Variants in ACSBG2 observed in about 807,000 individuals in gnomAD.
The protein encoded by ACSBG2 is acyl-CoA synthetase bubblegum family member 2.
ACSBG2 carries 62 observed loss-of-function variants against 74.7 expected under a neutral mutation model. That is an observed-to-expected ratio of 0.83 (90% CI 0.68 to 1.03). The LOEUF is 1.03. Ranked by LOEUF, ACSBG2 falls within the 50% of genes least tolerant of loss-of-function variation. ACSBG2 has a pLI of 0.00. For synonymous variants in ACSBG2, 309 were observed against 294.1 expected, an observed-to-expected ratio of 1.05 and a Z score of -0.52; for missense variants, 730 against 817.6, an observed-to-expected ratio of 0.89 and a Z score of 1.31.
At chr19:6,143,024 A>T (rs1404412014) in intron 2 of ACSBG2, among the ~76,000 whole-genome samples, 1 of 151,878 alleles carries the variant, frequency 6.6e-6, no homozygotes, top group Non-Finnish European at 1.5e-5. Flanking sequence ...ATTCAAGACC[A>T]GCCTGGCCAA....
In ACSBG2 at chr19:6,190,498, C is replaced by T. The variant is rs554897047; in HGVS notation, c.1928-86C>T. ...GCCAGCCACCCAGCCTAGCCCCAGG[C>T]ATGGGACTCTGTTGCCTGGTCATGC... On this transcript the variant is annotated intron_variant, in intron 13 of 14. Coordinates refer to ENST00000588485, the MANE Select transcript of ACSBG2 (RefSeq NM_030924.5). The T allele has an allele frequency of 1.2e-4, 138 of 1,168,560 alleles. 1 individual carries two copies. In the South Asian group the frequency reaches 1.6e-3, roughly 13 times the overall value. The allele number at this position is 1,168,560 out of a possible 1,614,324, so 72.4% of individuals were successfully genotyped here. A position where few individuals can be genotyped will look rare whatever the true frequency, so the allele number is the denominator to read the frequency against.
chr19:6,151,491 G>T (rs560912323), intron 3 of ACSBG2, among the ~76,000 whole-genome samples: 1 of 152,072 alleles, frequency 6.6e-6, no homozygotes, highest in Non-Finnish European at 1.5e-5. Flanking sequence ...CACTTTTTTT[G>T]TAAAGACAGG....
chr19:6,151,137 G>T (rs1352811094), intron 3 of ACSBG2, among the ~76,000 whole-genome samples: 1 of 150,174 alleles, frequency 6.7e-6, no homozygotes, highest in Non-Finnish European at 1.5e-5. Context: ...AAAGAAAATG[G>T]TAAAATCCAT....
At position 6,187,727 on chromosome 19, in the gene ACSBG2, C is replaced by G. The variant is rs1252054994; in HGVS notation, c.1809C>G (p.Val603=). The G allele has an allele frequency of 2.5e-6, 4 of 1,614,104 alleles. No individual in the cohort carries two copies. The highest frequency in any genetic ancestry group is 2.5e-6 in the Non-Finnish European group (3 of 1,180,016). ...TEIVKQQDPL[V]YKAIQQGINA... ...TTGTGAAGCAGCAAGACCCCCTGGT[C>G]TACAAGGCCATCCAGCAAGGCATCA... Residue 603 remains valine, a synonymous_variant, in exon 13 of 15, where the codon GTC becomes GTG. Transcript: ENST00000588485.
intron 1 of ACSBG2, among the ~76,000 whole-genome samples, chr19:6,140,315 G>A (rs896172854): frequency 4.0e-5 from 6 of 151,620 alleles, no homozygotes; most frequent in Admixed American, 6.6e-5. Flanking sequence ...TCAAACAGTA[G>A]AGTCCAATTA....
intron 3 of ACSBG2, among the ~76,000 whole-genome samples, chr19:6,150,195 T>C (rs1346665584): frequency 2.0e-5 from 3 of 151,804 alleles, no homozygotes; most frequent in Non-Finnish European, 2.9e-5. Context: ...GGGGAGGATA[T>C]GGAGAAGCTG....
intron 7 of ACSBG2, among the ~76,000 whole-genome samples, chr19:6,175,585 T>C (rs1166463102): frequency 6.6e-6 from 1 of 151,810 alleles, no homozygotes; most frequent in Non-Finnish European, 1.5e-5. Context: ...GAAAGAGCAT[T>C]CCAAGCAGGG....
chr19:6,153,885 A>AAAAGAAGG (rs2089321450), intron 4 of ACSBG2, among the ~76,000 whole-genome samples: 11 of 143,098 alleles, frequency 7.7e-5, no homozygotes, highest in Non-Finnish European at 1.3e-4. Flanking sequence ...AAAGAAAAGG[A>AAAAGAAGG]AAAGAAAAAA....
chr19:6,162,408 T>C (rs989019680), intron 6 of ACSBG2, among the ~76,000 whole-genome samples: 5 of 144,156 alleles, frequency 3.5e-5, no homozygotes, highest in Admixed American at 2.1e-4. Context: ...CTATTGAAAA[T>C]ACAAAAAAAT....
chr19:6,166,002 T>C lies in ACSBG2; in HGVS notation c.725T>C (p.Leu242Pro). 1 of 1,614,032 alleles carries C rather than the reference T, an allele frequency of 6.2e-7. No homozygotes were observed. The highest frequency in any genetic ancestry group is 8.5e-7 in the Non-Finnish European group (1 of 1,179,966). Residue 242 changes from leucine (L) to proline (P), a missense_variant, in exon 7 of 15, where the codon CTC becomes CCC. Physicochemically the swap from Leu to Pro is moderately conservative, Grantham distance 98. Transcript: ENST00000588485. ...GTTGIPKGVM[L>P]SHDNITWIAG... is the part of the protein sequence containing the mutation. ...ACAGGCATACCCAAGGGAGTGATGCTCAGTCATGACAACGTACGCCAAAGT... is the reference window on the plus strand; with the variant it reads ...ACAGGCATACCCAAGGGAGTGATGCCCAGTCATGACAACGTACGCCAAAGT...
intron 2 of ACSBG2, among the ~76,000 whole-genome samples, chr19:6,145,345 C>T (rs112463759): frequency 0.028 from 4,184 of 150,802 alleles, 187 homozygotes; most frequent in African/African-American, 0.098. Context: ...GCGGTGAGCT[C>T]GCATGATCCC....
chr19:6,185,435 G>A lies in ACSBG2; in HGVS notation c.1323-1G>A. The A allele has an allele frequency of 6.2e-7, 1 of 1,614,140 alleles. No homozygotes were observed. The highest frequency in any genetic ancestry group is 8.5e-7 in the Non-Finnish European group (1 of 1,180,018). ...GTTTCTCTGCTTCTGTCCCCTGGCA[G>A]CTGTGGCAAGATCTTGACTGGGTGT... On this transcript the variant is annotated splice_acceptor_variant, in intron 10 of 14. Transcript: ENST00000588485. LOFTEE classifies it high-confidence loss of function.
chr19:6,135,636 A>C (rs1309759649), upstream of ACSBG2: 1 of 152,442 alleles, frequency 6.6e-6, no homozygotes. Flanking sequence ...ATGTCACAAG[A>C]GGTGGCTGGG....
intron 7 of ACSBG2, chr19:6,175,468 T>G (rs927607307): frequency 1.3e-5 from 2 of 152,138 alleles, no homozygotes; most frequent in African/African-American, 2.4e-5. Flanking sequence ...ACTTTCACCT[T>G]AGATGGTGTG....
At chr19:6,143,158 C>A (rs144810605) in intron 2 of ACSBG2, among the ~76,000 whole-genome samples, 2,032 of 152,216 alleles carry the variant, frequency 0.013, 32 homozygotes, top group African/African-American at 0.046. Flanking sequence ...GATTCTCATG[C>A]CTCGGCCACC....
intron 2 of ACSBG2, among the ~76,000 whole-genome samples, chr19:6,143,445 C>T (rs1427614517): frequency 6.6e-6 from 1 of 151,880 alleles, no homozygotes; most frequent in African/African-American, 2.4e-5. Flanking sequence ...TAGGGATCAC[C>T]CTAAATCCAA....
At chr19:6,191,376 T>G (rs534060928) in intron 14 of ACSBG2, 1 of 152,344 alleles carries the variant, frequency 6.6e-6, no homozygotes, top group African/African-American at 2.4e-5. Context: ...TGTTTTAGTT[T>G]GCTGGGGCTA....
At chr19:6,153,883 G>GAAAAAA (rs2089321028) in intron 4 of ACSBG2, among the ~76,000 whole-genome samples, 40 of 73,886 alleles carry the variant, frequency 5.4e-4, no homozygotes, top group Non-Finnish European at 7.1e-4. Context: ...GAAAAGAAAA[G>GAAAAAA]GAAAAGAAAA....
chr19:6,190,796 C>CACACACACAG, intron 14 of ACSBG2, 104 bp downstream of exon 14: 1 of 570,814 alleles, frequency 1.8e-6, no homozygotes, highest in Admixed American at 2.7e-5. Flanking sequence ...AGAAAACACA[C>CACACACACAG]ACATACACAC....
Sources: allele counts gnomAD v4.1 joint callset (sites outside exome capture counted in the v4.1 genomes callset), GRCh38; gene constraint gnomAD v4.1.1; transcripts MANE v1.5; gene names NCBI Gene and HGNC (gene_info 2026-07-23, HGNC 2026-07-21).